Variants in SLC31A1 observed in about 807,000 individuals in gnomAD.
SLC31A1 encodes high affinity copper uptake protein 1.
In SLC31A1, 5 loss-of-function variants were observed where a neutral mutation model predicts 17.2. The ratio of observed to expected loss-of-function variants is 0.29; its 90% CI spans 0.15 to 0.61. SLC31A1 has a LOEUF of 0.61. Among genes scored for constraint, SLC31A1 ranks in the 20% least tolerant of loss-of-function variants. The pLI, the probability that SLC31A1 is intolerant of heterozygous loss-of-function variation, is 0.86. For synonymous variants in SLC31A1, 76 were observed against 78.8 expected, an observed-to-expected ratio of 0.96 and a Z score of 0.19; for missense variants, 161 against 241.4, an observed-to-expected ratio of 0.67 and a Z score of 2.21.
chr9:113,244,757 G>C (rs964024084), intron 1 of SLC31A1, among the ~76,000 whole-genome samples: 7 of 152,202 alleles, frequency 4.6e-5, no homozygotes, highest in African/African-American at 1.7e-4. Context: ...ATGTGGGCGT[G>C]TGAGGTAATT....
At chr9:113,221,754 C>T (rs968420457) in intron 1 of SLC31A1, 76 bp downstream of exon 1, 16 of 193,430 alleles carry the variant, frequency 8.3e-5, no homozygotes, top group East Asian at 3.0e-4. Flanking sequence ...CAAGGACCTT[C>T]CTCGCCGCTT....
intron 1 of SLC31A1, among the ~76,000 whole-genome samples, chr9:113,241,929 A>G (rs756339668): frequency 5.9e-5 from 9 of 152,244 alleles, no homozygotes; most frequent in Non-Finnish European, 1.0e-4. Context: ...GGAAAGGCAC[A>G]ATATACTATG....
At chr9:113,226,322 C>G (rs1407871855) in intron 1 of SLC31A1, among the ~76,000 whole-genome samples, 1 of 152,100 alleles carries the variant, frequency 6.6e-6, no homozygotes, top group Non-Finnish European at 1.5e-5. Context: ...TGTACTCCCA[C>G]ATGCAGCTCT....
At position 113,260,493 on chromosome 9, in the gene SLC31A1, GC is replaced by G. The variant is rs1343495483; in HGVS notation, c.*22del. The G allele has an allele frequency of 2.5e-6, 4 of 1,605,466 alleles. No homozygotes were observed. In the African/African-American group the frequency reaches 5.4e-5, roughly 21 times the overall value. ...CATTGACATCAAACTCTATGGCGTG[GC>G]CTTATCGATTGCAGTGGGAAGTTGT... is the stretch of plus-strand genomic sequence containing the variant. On this transcript the variant is annotated 3_prime_UTR_variant, in exon 5 of 5. Coordinates refer to ENST00000374212, the MANE Select transcript of SLC31A1 (RefSeq NM_001859.4).
At chr9:113,231,045 T>A (rs1266782285) in intron 1 of SLC31A1, among the ~76,000 whole-genome samples, 2 of 152,100 alleles carry the variant, frequency 1.3e-5, no homozygotes, top group African/African-American at 2.4e-5. Context: ...GATGTCAAAG[T>A]GATCTGACCT....
At chr9:113,240,311 G>A (rs1244608454) in intron 1 of SLC31A1, among the ~76,000 whole-genome samples, 2 of 152,184 alleles carry the variant, frequency 1.3e-5, no homozygotes, top group African/African-American at 4.8e-5. Flanking sequence ...GGTAGATATT[G>A]AAACCTACAT....
At chr9:113,234,864 A>T (rs1358303199) in intron 1 of SLC31A1, among the ~76,000 whole-genome samples, 1 of 152,180 alleles carries the variant, frequency 6.6e-6, no homozygotes, top group Non-Finnish European at 1.5e-5. Flanking sequence ...TTTGATATTC[A>T]TACTGTTGTG....
At position 113,264,354 on chromosome 9, in the gene SLC31A1, T is replaced by C. The variant is rs913500337; in HGVS notation, c.*3881T>C. 1 of 152,442 alleles carries C rather than the reference T, an allele frequency of 6.6e-6. No homozygotes were observed. The highest frequency in any genetic ancestry group is 6.6e-5 in the Admixed American group (1 of 15,254). The allele number at this position is 152,442 out of a possible 1,614,324, so 9.4% of individuals were successfully genotyped here. ...GATACAAAGTCTGCATTTGATATAA[T>C]GCCTTAATTACTGGGTCTACAATTA... is the stretch of plus-strand genomic sequence containing the variant. On this transcript the variant is annotated 3_prime_UTR_variant, in exon 5 of 5. Transcript: ENST00000374212.
rs924564016 is a variant in SLC31A1, at chr9:113,258,998, G to A, written c.371+136G>A. The stretch of plus-strand genomic sequence containing the variant: ...GACCTTGATCAAAACTGTCCTTGGA[G>A]GTTTGGGTTTGTAGGTCATGAGCAG... On this transcript the variant is annotated intron_variant, in intron 4 of 4. Transcript: ENST00000374212. This position sits in a 1 kb window ranked among gnomAD's most constrained non-coding sequence, Gnocchi z 4.8. 4.4e-6 allele frequency: 4 copies of A among 911,736 alleles called. No individual in the cohort carries two copies. The African/African-American group carries it at 6.5e-5, about 15-fold the overall frequency. 56.5% of individuals were successfully genotyped at this position (911,736 alleles called of 1,614,324 possible). A position where few individuals can be genotyped will look rare whatever the true frequency, so the allele number is the denominator to read the frequency against.
At chr9:113,246,389 TC>T (rs1831578628) in intron 1 of SLC31A1, among the ~76,000 whole-genome samples, 1 of 151,628 alleles carries the variant, frequency 6.6e-6, no homozygotes, top group African/African-American at 2.4e-5. Flanking sequence ...TCTCGCTCTG[TC>T]ACCCAGGCTG....
chr9:113,227,599 C>CT (rs1461598751), intron 1 of SLC31A1: 1 of 152,102 alleles, frequency 6.6e-6, no homozygotes, highest in Non-Finnish European at 1.5e-5. Flanking sequence ...ATTCAAGTTC[C>CT]TTTTATCTTG....
At chr9:113,256,616 C>G (rs757312250) in intron 2 of SLC31A1, 27 of 268,010 alleles carry the variant, frequency 1.0e-4, no homozygotes, top group Non-Finnish European at 1.8e-4. Flanking sequence ...AATCCCAACA[C>G]TTTGGGAGGC....
chr9:113,230,129 C>G (rs1275048641), intron 1 of SLC31A1, among the ~76,000 whole-genome samples: 2 of 152,192 alleles, frequency 1.3e-5, no homozygotes, highest in Admixed American at 1.3e-4. Flanking sequence ...CTGTGTTTTA[C>G]TGTCTTCCCA....
At chr9:113,251,046 C>A (rs1831646408) in intron 1 of SLC31A1, among the ~76,000 whole-genome samples, 1 of 152,204 alleles carries the variant, frequency 6.6e-6, no homozygotes, top group East Asian at 1.9e-4. Flanking sequence ...AAATAAACCT[C>A]TTTTCTTTAT....
At chr9:113,233,282 A>C (rs1251347055) in intron 1 of SLC31A1, among the ~76,000 whole-genome samples, 1 of 152,136 alleles carries the variant, frequency 6.6e-6, no homozygotes, top group African/African-American at 2.4e-5. Context: ...TGTGTATTTG[A>C]ATAGCTGCCA....
At chr9:113,257,779 T>G (rs2119017173) in intron 3 of SLC31A1, among the ~76,000 whole-genome samples, 1 of 152,272 alleles carries the variant, frequency 6.6e-6, no homozygotes, top group South Asian at 2.1e-4. Flanking sequence ...TGAGCCACCA[T>G]GCCCGGCCTC....
At chr9:113,237,473 C>T (rs538545161) in intron 1 of SLC31A1, among the ~76,000 whole-genome samples, 7 of 152,102 alleles carry the variant, frequency 4.6e-5, no homozygotes, top group African/African-American at 1.2e-4. Flanking sequence ...TCCTTGCCTC[C>T]GTTTTTCTGA....
chr9:113,231,267 C>T (rs548416456), intron 1 of SLC31A1, among the ~76,000 whole-genome samples: 41 of 152,158 alleles, frequency 2.7e-4, no homozygotes, highest in African/African-American at 9.4e-4. Context: ...CTTTGTGTTG[C>T]GCTTAAAAAT....
intron 1 of SLC31A1, among the ~76,000 whole-genome samples, chr9:113,243,028 G>C (rs1831538104): frequency 6.6e-6 from 1 of 150,856 alleles, no homozygotes; most frequent in African/African-American, 2.4e-5. Context: ...TGTTTTATAC[G>C]CTAGGCTTCT....
Sources: gnomAD v4.1 joint callset for allele counts (sites outside exome capture counted in the v4.1 genomes callset) on GRCh38, gnomAD v4.1.1 for gene constraint, Gnocchi (gnomAD v3.1) non-coding constraint, MANE v1.5 for transcripts, NCBI Gene and HGNC (gene_info 2026-07-23, HGNC 2026-07-21) for gene names.